The following RC3H1 variants were observed in gnomAD, a reference collection of about 807,000 sequenced individuals.
The protein encoded by RC3H1 is ring finger and CCCH-type domains 1.
RC3H1 carries 50 observed loss-of-function variants against 138.2 expected under a neutral mutation model. The ratio of observed to expected loss-of-function variants is 0.36; its 90% CI spans 0.29 to 0.46. The LOEUF is 0.46. RC3H1 is among the 20% of genes least tolerant of loss of function. The pLI is 1.00. For missense variants in RC3H1, 1,031 were observed against 1,388.1 expected, an observed-to-expected ratio of 0.74 and a Z score of 4.09; for synonymous variants, 462 against 489.1, an observed-to-expected ratio of 0.94 and a Z score of 0.73.
Position 173,942,428 on chromosome 1 carries a change from C to CAAA in RC3H1, c.3135+1011_3135+1013dup, listed in dbSNP as rs60694243. 8.4e-3 allele frequency among the ~76,000 whole-genome samples: 321 copies of CAAA among 38,032 alleles called. 24 individuals are homozygous for CAAA. Among genetic ancestry groups the CAAA allele is most frequent in the African/African-American group, 0.04 (281 of 6,984 alleles). The allele number at this position is 38,032 out of a possible 152,430, so 25.0% of individuals were successfully genotyped here. ...ACCCTGGGTGACAGAGACTCAGTCT[C>CAAA]AAAAAAAAAAAAAAAAAAAAAAGAA... is the stretch of plus-strand genomic sequence containing the variant. On this transcript the variant is annotated intron_variant, in intron 18 of 19. Coordinates refer to ENST00000367696, the MANE Select transcript of RC3H1 (RefSeq NM_172071.4).
intron 13 of RC3H1, among the ~76,000 whole-genome samples, chr1:173,956,302 G>C (rs1291108731): frequency 6.6e-6 from 1 of 152,090 alleles, no homozygotes; most frequent in Non-Finnish European, 1.5e-5. Context: ...AATTGTCCAA[G>C]GAAGAGAGGA....
rs374146584 is a variant in RC3H1 at position 173,938,889 on chromosome 1, T to G, written c.3252-18A>C. On this transcript the variant is annotated intron_variant, in intron 19 of 19. Coordinates refer to ENST00000367696, the MANE Select transcript of RC3H1 (RefSeq NM_172071.4). Reference sequence around the variant, plus strand: ...GTACATCACTGCTGACATTTTAAAATTTTGAAAAAGGAGAGAGAGAAAAAT... The same window carrying G: ...GTACATCACTGCTGACATTTTAAAAGTTTGAAAAAGGAGAGAGAGAAAAAT... 1.0e-4 allele frequency: 163 copies of G among 1,558,912 alleles called. No homozygotes were observed. Among genetic ancestry groups the G allele is most frequent in the Non-Finnish European group, 1.3e-4 (149 of 1,151,894 alleles).
intron 14 of RC3H1, among the ~76,000 whole-genome samples, chr1:173,948,411 A>AAT (rs10599652): frequency 8.5e-4 from 128 of 149,770 alleles, no homozygotes; most frequent in South Asian, 1.5e-3. Context: ...ATCTTGAAGA[A>AAT]ATATATATAT....
At chr1:173,951,546 AT>A (rs1200283387) in intron 14 of RC3H1, among the ~76,000 whole-genome samples, 2,313 of 148,316 alleles carry the variant, frequency 0.016, 70 homozygotes, top group African/African-American at 0.054. Context: ...TGAAAAAAAA[AT>A]TTTTTTTTTT....
chr1:173,951,844 A>G (rs955772131), intron 14 of RC3H1, 142 bp downstream of exon 14: 21 of 588,298 alleles, frequency 3.6e-5, no homozygotes, highest in Non-Finnish European at 5.6e-5. Flanking sequence ...TATACTGTTT[A>G]AAGATAACTC....
chr1:173,996,345 C>A (rs576496514), intron 1 of RC3H1, among the ~76,000 whole-genome samples: 10 of 151,594 alleles, frequency 6.6e-5, no homozygotes, highest in Non-Finnish European at 1.5e-4. Flanking sequence ...GGGAAAAGAA[C>A]CCTTACATAT....
chr1:174,019,576 T>C (rs1368945949), intron 1 of RC3H1, among the ~76,000 whole-genome samples: 1 of 152,234 alleles, frequency 6.6e-6, no homozygotes, highest in African/African-American at 2.4e-5. Context: ...CTGAAAGGCG[T>C]TGTGTACAAA....
intron 18 of RC3H1, among the ~76,000 whole-genome samples, chr1:173,942,520 A>T (rs933564715): frequency 2.0e-5 from 3 of 151,684 alleles, no homozygotes; most frequent in Non-Finnish European, 4.4e-5. Context: ...CTGCATGCTC[A>T]ATTTATTTGC....
At chr1:173,957,590 C>G (rs189185724) in intron 13 of RC3H1, among the ~76,000 whole-genome samples, 2 of 151,972 alleles carry the variant, frequency 1.3e-5, no homozygotes, top group Admixed American at 1.3e-4. Flanking sequence ...GTCTTTGTTA[C>G]CCAGGCTGGA....
chr1:173,939,266 T>C (rs941655512), intron 19 of RC3H1, among the ~76,000 whole-genome samples: 10 of 151,966 alleles, frequency 6.6e-5, no homozygotes, highest in African/African-American at 2.2e-4. Flanking sequence ...AGAAATAATT[T>C]TGAGCTCATG....
At chr1:174,002,808 GCTT>G (rs1007047124) in intron 1 of RC3H1, among the ~76,000 whole-genome samples, 15 of 152,052 alleles carry the variant, frequency 9.9e-5, no homozygotes, top group African/African-American at 2.2e-4. Flanking sequence ...TCTATTGAGG[GCTT>G]CTTCTTCTCT....
chr1:173,963,891 C>T, intron 11 of RC3H1, 82 bp downstream of exon 11: 1 of 1,094,620 alleles, frequency 9.1e-7, no homozygotes, highest in South Asian at 1.4e-5. Flanking sequence ...AAAGAGGCTA[C>T]TGTGTAAATG....
At chr1:174,012,847 A>G (rs1280384059) in intron 1 of RC3H1, among the ~76,000 whole-genome samples, 1 of 151,774 alleles carries the variant, frequency 6.6e-6, no homozygotes, top group Non-Finnish European at 1.5e-5. Context: ...AGATTCTAAT[A>G]CCAACTCTGC....
At chr1:174,006,927 C>T (rs1661662141) in intron 1 of RC3H1, among the ~76,000 whole-genome samples, 1 of 152,044 alleles carries the variant, frequency 6.6e-6, no homozygotes, top group Admixed American at 6.6e-5. Context: ...GTGTTCAGTT[C>T]AACGAATTAT....
intron 2 of RC3H1, among the ~76,000 whole-genome samples, chr1:173,990,959 GT>G (rs1426034028): frequency 2.0e-5 from 3 of 152,222 alleles, no homozygotes; most frequent in Non-Finnish European, 2.9e-5. Context: ...GCTGGGTACG[GT>G]GGCTCATGCC....
intron 1 of RC3H1, among the ~76,000 whole-genome samples, chr1:174,003,662 A>ATT (rs1296950005): frequency 3.5e-5 from 5 of 143,164 alleles, no homozygotes; most frequent in Admixed American, 7.0e-5. Flanking sequence ...AAATCAGAGA[A>ATT]TTTTTTTTTT....
intron 19 of RC3H1, 22 bp from the exon 20 acceptor site, chr1:173,938,893 G>A: frequency 6.5e-7 from 1 of 1,546,930 alleles, no homozygotes; most frequent in South Asian, 1.2e-5. Flanking sequence ...TTAAAATTTT[G>A]AAAAAGGAGA....
intron 1 of RC3H1, among the ~76,000 whole-genome samples, chr1:173,996,522 C>T (rs1661463598): frequency 6.6e-6 from 1 of 150,836 alleles, no homozygotes; most frequent in Non-Finnish European, 1.5e-5. Flanking sequence ...TTGCCTAAAC[C>T]CTGTGTAGAA....
At chr1:173,961,321 T>C in intron 12 of RC3H1, 77 bp from the exon 13 acceptor site, 1 of 1,330,898 alleles carries the variant, frequency 7.5e-7, no homozygotes, top group Non-Finnish European at 1.0e-6. Flanking sequence ...TCAGCGTATA[T>C]TTTAAGTTAT....
Sources: gnomAD v4.1 joint callset for allele counts (sites outside exome capture counted in the v4.1 genomes callset) on GRCh38, gnomAD v4.1.1 for gene constraint, MANE v1.5 for transcripts, NCBI Gene and HGNC (gene_info 2026-07-23, HGNC 2026-07-21) for gene names.